KCNQ5: variants seen among roughly 807,000 people sequenced by gnomAD.
KCNQ5 encodes the protein potassium voltage-gated channel subfamily Q member 5.
KCNQ5 carries 30 observed loss-of-function variants against 98.2 expected under a neutral mutation model. The observed-to-expected ratio is 0.31, with a 90% CI of 0.23 to 0.41. KCNQ5 has a LOEUF of 0.41. Among genes scored for constraint, KCNQ5 ranks in the 10% least tolerant of loss-of-function variants. The pLI, the probability that KCNQ5 is intolerant of heterozygous loss-of-function variation, is 1.00. For missense variants in KCNQ5, 835 were observed against 1,182.5 expected (o/e 0.71, Z 4.31); for synonymous variants, 458 against 449.4 (o/e 1.02, Z -0.24).
At chr6:72,861,892 G>A (rs1434089748) in intron 1 of KCNQ5, among the ~76,000 whole-genome samples, 2 of 151,552 alleles carry the variant, frequency 1.3e-5, no homozygotes, top group Non-Finnish European at 2.9e-5. Context: ...ACCAACTAGA[G>A]TAAGTCATCT....
chr6:72,676,341 C>G (rs1011002978), intron 1 of KCNQ5, among the ~76,000 whole-genome samples: 2 of 152,054 alleles, frequency 1.3e-5, no homozygotes, highest in Non-Finnish European at 2.9e-5. Context: ...TTTTATGTCA[C>G]AAAGCAGCAG....
At chr6:72,837,896 A>G (rs1212604381) in intron 1 of KCNQ5, among the ~76,000 whole-genome samples, 2 of 152,182 alleles carry the variant, frequency 1.3e-5, no homozygotes, top group East Asian at 1.9e-4. Context: ...CTGGCTAAAT[A>G]GAAACCTGAT....
At chr6:73,041,776 G>A (rs1771713875) in intron 2 of KCNQ5, among the ~76,000 whole-genome samples, 160 bp from the exon 3 acceptor site, 1 of 152,148 alleles carries the variant, frequency 6.6e-6, no homozygotes, top group South Asian at 2.1e-4. Flanking sequence ...ATGCTGTCCA[G>A]ATTTAGTTTG....
chr6:73,125,048 C>T (rs1443481384), intron 9 of KCNQ5, among the ~76,000 whole-genome samples: 5 of 84,988 alleles, frequency 5.9e-5, no homozygotes, highest in Non-Finnish European at 1.5e-4. Flanking sequence ...GGTATATATA[C>T]CTATACATAT....
chr6:73,177,980 CTA>C (rs1778276605), intron 11 of KCNQ5, among the ~76,000 whole-genome samples: 1 of 152,078 alleles, frequency 6.6e-6, no homozygotes, highest in Non-Finnish European at 1.5e-5. Flanking sequence ...TTTTCTTTGG[CTA>C]TAATTTAAAC....
chr6:72,958,057 G>A (rs559377059), intron 1 of KCNQ5, among the ~76,000 whole-genome samples: 7 of 152,234 alleles, frequency 4.6e-5, no homozygotes, highest in Admixed American at 6.5e-5. Flanking sequence ...GTGGGTGCCT[G>A]GCACATAATA....
intron 1 of KCNQ5, among the ~76,000 whole-genome samples, chr6:72,686,189 A>G (rs1767942854): frequency 6.6e-6 from 1 of 152,234 alleles, no homozygotes; most frequent in African/African-American, 2.4e-5. Context: ...AATTCAGCTC[A>G]TAACATGACT....
intron 10 of KCNQ5, chr6:73,157,771 ATGT>A (rs1777427502): frequency 2.6e-6 from 2 of 778,732 alleles, no homozygotes; most frequent in South Asian, 2.7e-5. Flanking sequence ...GGTGGGGTGC[ATGT>A]TGGTGGGATT....
At chr6:72,682,216 A>C (rs1486732854) in intron 1 of KCNQ5, among the ~76,000 whole-genome samples, 1 of 151,966 alleles carries the variant, frequency 6.6e-6, no homozygotes, top group Non-Finnish European at 1.5e-5. Context: ...AAAACAAAAC[A>C]AAAAACGCTC....
At chr6:73,157,591 G>A in intron 10 of KCNQ5, 1 of 768,918 alleles carries the variant, frequency 1.3e-6, no homozygotes, top group Non-Finnish European at 2.4e-6. Context: ...TGGCATGGAG[G>A]GCGGCGGCAA....
chr6:73,132,935 A>G (rs960671923), intron 9 of KCNQ5, among the ~76,000 whole-genome samples: 1 of 152,230 alleles, frequency 6.6e-6, no homozygotes, highest in Non-Finnish European at 1.5e-5. Flanking sequence ...TATGGATAAC[A>G]TAATCTTGCC....
rs73460431 is a variant in KCNQ5, at chr6:73,185,557, T to C, written c.1578-5016T>C. On this transcript the variant is annotated intron_variant, in intron 11 of 13. Transcript: ENST00000370398. Reference sequence around the variant, plus strand: ...AAAAAGAAATAGCAAATGGAAGTAATTGAAGTATATAATTGATTGGCTAGG... The same window carrying C: ...AAAAAGAAATAGCAAATGGAAGTAACTGAAGTATATAATTGATTGGCTAGG... Among the ~76,000 whole-genome samples, 996 of 152,232 alleles carry C rather than the reference T, an allele frequency of 6.5e-3. 7 individuals are homozygous for C. The highest frequency in any genetic ancestry group is 0.023 in the African/African-American group (944 of 41,530).
chr6:72,997,782 C>CAAAAAA (rs70994154), intron 1 of KCNQ5, among the ~76,000 whole-genome samples: 5 of 62,062 alleles, frequency 8.1e-5, no homozygotes, highest in Admixed American at 2.9e-4. Context: ...GACTCTGTCT[C>CAAAAAA]AAAAAAAAAA....
chr6:72,724,084 A>G (rs1770130505), intron 1 of KCNQ5, among the ~76,000 whole-genome samples: 1 of 152,116 alleles, frequency 6.6e-6, no homozygotes, highest in Non-Finnish European at 1.5e-5. Context: ...TATATATTTT[A>G]TATAGATGTT....
Position 72,622,444 on chromosome 6 carries a change from C to T in KCNQ5, c.255C>T (p.Ala85=). 1.3e-6 allele frequency: 2 copies of T among 1,571,550 alleles called. No homozygotes were observed. Among genetic ancestry groups the T allele is most frequent in the Admixed American group, 1.8e-5 (1 of 54,496 alleles). Residue 85 remains alanine, a synonymous_variant, in exon 1 of 14, where the codon GCC becomes GCT. Transcript: ENST00000370398. This position sits in a 1 kb window ranked among gnomAD's most constrained non-coding sequence, Gnocchi z 6.0. ...AGAGCCGCCGGGGCAAGCAGGGGGCCCGGATGAGCCTGCTGGGGAAGCCGC... is the reference window on the plus strand; with the variant it reads ...AGAGCCGCCGGGGCAAGCAGGGGGCTCGGATGAGCCTGCTGGGGAAGCCGC... ...LRESRRGKQG[A]RMSLLGKPLS...
intron 1 of KCNQ5, among the ~76,000 whole-genome samples, chr6:72,760,479 T>C (rs563909237): frequency 0.012 from 1,684 of 143,678 alleles, 30 homozygotes; most frequent in African/African-American, 0.041. Flanking sequence ...TGTGTGTGTG[T>C]GCACGTGTGC....
intron 1 of KCNQ5, among the ~76,000 whole-genome samples, chr6:72,936,577 T>C (rs892978934): frequency 1.3e-5 from 2 of 152,216 alleles, no homozygotes; most frequent in Non-Finnish European, 2.9e-5. Context: ...AATTAGATGT[T>C]GTATTAAAAT....
intron 1 of KCNQ5, among the ~76,000 whole-genome samples, chr6:72,692,402 A>G (rs1768256334): frequency 1.3e-5 from 2 of 152,336 alleles, no homozygotes; most frequent in East Asian, 1.9e-4. Flanking sequence ...CATTCCTTCC[A>G]TGATTATCAA....
chr6:72,921,483 G>A (rs377609971), intron 1 of KCNQ5, among the ~76,000 whole-genome samples: 2 of 152,220 alleles, frequency 1.3e-5, no homozygotes, highest in Non-Finnish European at 2.9e-5. Flanking sequence ...GAGCAAGATA[G>A]TGGTGTACTG....
Sources: gnomAD v4.1 joint callset for allele counts (sites outside exome capture counted in the v4.1 genomes callset) on GRCh38, gnomAD v4.1.1 for gene constraint, Gnocchi (gnomAD v3.1) non-coding constraint, MANE v1.5 for transcripts, NCBI Gene and HGNC (gene_info 2026-07-23, HGNC 2026-07-21) for gene names.